The following HCN2 variants were observed in gnomAD, a reference collection of about 807,000 sequenced individuals.
HCN2 encodes hyperpolarization activated cyclic nucleotide gated potassium and sodium channel 2.
In HCN2, 20 loss-of-function variants were observed where a neutral mutation model predicts 52.3. That is an observed-to-expected ratio of 0.38 (90% CI 0.27 to 0.56). HCN2 has a LOEUF of 0.56. Ranked by LOEUF, HCN2 falls within the 20% of genes least tolerant of loss-of-function variation. The pLI, the probability that HCN2 is intolerant of heterozygous loss-of-function variation, is 0.71. For missense variants in HCN2, 981 were observed against 1,207.7 expected (o/e 0.81, Z 2.78); for synonymous variants, 694 against 537.0 (o/e 1.29, Z -4.04).
rs929900475 is a variant in HCN2, at chr19:592,684, C to T, written c.632+2107C>T. ...TTTCGATGTTGCCAAGCTGGGTGCA[C>T]GGGGCCCCTAGGACCCTCCCCAGGC... On this transcript the variant is annotated intron_variant, in intron 1 of 7. Coordinates refer to ENST00000251287, the MANE Select transcript of HCN2 (RefSeq NM_001194.4). This position sits in a 1 kb window ranked among gnomAD's most constrained non-coding sequence, Gnocchi z 4.8. Among the ~76,000 whole-genome samples, 6 of 152,092 alleles carry T rather than the reference C, an allele frequency of 3.9e-5. No individual in the cohort carries two copies. The highest frequency in any genetic ancestry group is 2.0e-4 in the Admixed American group (3 of 15,270).
At chr19:602,935 G>C (rs1983255495) in intron 1 of HCN2, among the ~76,000 whole-genome samples, 1 of 84,172 alleles carries the variant, frequency 1.2e-5, no homozygotes. Flanking sequence ...CCCAGGGCTT[G>C]TCCTGCAGGC....
In HCN2 at chr19:610,247, T is replaced by G. The variant is rs915282869; in HGVS notation, c.1438-12T>G. The G allele has an allele frequency of 1.2e-6, 2 of 1,609,828 alleles. No homozygotes were observed. Among genetic ancestry groups the G allele is most frequent in the Admixed American group, 3.3e-5 (2 of 59,858 alleles). On this transcript the variant is annotated splice_polypyrimidine_tract_variant and intron_variant, in intron 4 of 7. Transcript: ENST00000251287. ...GGGCGGTGTCTGACCCAGCCTCGCC[T>G]CCTCCCCACAGTACAAGCAGGTGGA... is the stretch of plus-strand genomic sequence containing the variant.
intron 7 of HCN2, 109 bp downstream of exon 7, chr19:614,125 G>A: frequency 2.5e-6 from 2 of 798,314 alleles, no homozygotes; most frequent in South Asian, 2.2e-5. Flanking sequence ...GCGTGGCTGT[G>A]GCATCAGGGG....
chr19:604,824 TGGG>T (rs1171508065), intron 2 of HCN2, among the ~76,000 whole-genome samples: 1 of 35,290 alleles, frequency 2.8e-5, no homozygotes, highest in Non-Finnish European at 4.9e-5. Flanking sequence ...GCTGTGGATT[TGGG>T]GGGGTCCTGC....
intron 5 of HCN2, among the ~76,000 whole-genome samples, chr19:611,543 C>T (rs912774334): frequency 6.6e-6 from 1 of 152,200 alleles, no homozygotes; most frequent in Non-Finnish European, 1.5e-5. Context: ...CGTGTACACC[C>T]GTTGCTCCCA....
intron 1 of HCN2, among the ~76,000 whole-genome samples, chr19:598,663 G>A (rs977728421): frequency 4.6e-5 from 7 of 152,104 alleles, no homozygotes; most frequent in African/African-American, 1.2e-4. Context: ...GTGCGATGGC[G>A]CGATCTCGGC....
At position 616,063 on chromosome 19, in the gene HCN2, C is replaced by T; in HGVS notation, c.2259C>T (p.Gly753=). 8.7e-7 allele frequency: 1 copy of T among 1,142,986 alleles called. No homozygotes were observed. The highest frequency in any genetic ancestry group is 4.2e-5 in the South Asian group (1 of 23,700). 70.8% of individuals were successfully genotyped at this position (1,142,986 alleles called of 1,614,324 possible). A position where few individuals can be genotyped will look rare whatever the true frequency, so the allele number is the denominator to read the frequency against. The change falls in exon 8 of 8, where the codon GGC becomes GGT. Residue 753 remains glycine (G), a synonymous_variant. Coordinates refer to ENST00000251287, the MANE Select transcript of HCN2 (RefSeq NM_001194.4). The part of the protein sequence containing the change: ...ARPLVGPLAL[G]SPRLVRRPPP... ...CGCTCGTGGGGCCGCTGGCGCTCGG[C>T]TCGCCGCGCCTCGTGCGCCGCCCGC...
chr19:612,393 G>GGTGGGTGTGTGTGTGTGTGTGTGTGT (rs1215986490), intron 5 of HCN2, among the ~76,000 whole-genome samples: 4 of 141,770 alleles, frequency 2.8e-5, no homozygotes, highest in Admixed American at 7.1e-5. Context: ...GCTTTCCACT[G>GGTGGGTGTGTGTGTGTGTGTGTGTGT]GTGTGTGTGT....
chr19:613,126 G>A, intron 5 of HCN2, 122 bp from the exon 6 acceptor site: 1 of 1,338,770 alleles, frequency 7.5e-7, no homozygotes, highest in African/African-American at 1.5e-5. Flanking sequence ...CCGGCTACGG[G>A]GCTGAGCCCG....
At chr19:602,414 T>C (rs947977237) in intron 1 of HCN2, among the ~76,000 whole-genome samples, 76 of 144,216 alleles carry the variant, frequency 5.3e-4, no homozygotes, top group African/African-American at 1.9e-3. Flanking sequence ...GACGCCCCAC[T>C]TCCTCCTCTC....
Position 590,372 on chromosome 19 carries a change from G to T in HCN2, c.427G>T (p.Glu143Ter). Residue 143 changes from glutamate (E) to a stop codon, truncating the protein, a stop_gained, in exon 1 of 8, where the codon GAG (glutamate) becomes TAG (stop). Coordinates refer to ENST00000251287, the MANE Select transcript of HCN2 (RefSeq NM_001194.4). LOFTEE classifies it high-confidence loss of function. The surrounding 1 kb of genome is among the most constrained non-coding windows in gnomAD (Gnocchi z 7.2). ...GPAPGPGPAE[E>*]AGSEEAGPAG... is the part of the protein sequence containing the mutation. ...CGCGCCGGGGCCGGGGCCGGCGGAGGAGGCGGGCAGCGAGGAGGCGGGCCC... is the reference window on the plus strand; with the variant it reads ...CGCGCCGGGGCCGGGGCCGGCGGAGTAGGCGGGCAGCGAGGAGGCGGGCCC... 8.5e-7 allele frequency: 1 copy of T among 1,173,354 alleles called. No homozygotes were observed. 72.7% of individuals were successfully genotyped at this position (1,173,354 alleles called of 1,614,324 possible).
Position 590,004 on chromosome 19 carries a change from C to CA in HCN2, c.59_60insA (p.Pro22AlafsTer47). The CA allele has an allele frequency of 1.5e-6, 1 of 652,262 alleles. No homozygotes were observed. The highest frequency in any genetic ancestry group is 1.9e-6 in the Non-Finnish European group (1 of 540,536). 40.4% of individuals were successfully genotyped at this position (652,262 alleles called of 1,614,324 possible). On this transcript the variant is annotated frameshift_variant, in exon 1 of 8. Coordinates refer to ENST00000251287, the MANE Select transcript of HCN2 (RefSeq NM_001194.4). LOFTEE classifies it high-confidence loss of function. The surrounding 1 kb of genome is among the most constrained non-coding windows in gnomAD (Gnocchi z 7.2). ...GAGAGCCCGGGCGCGACCCCCGCGC[C>CA]GGGGCCGCCGCCGCCGCCGCCGCCC... is the stretch of plus-strand genomic sequence containing the variant.
chr19:601,575 C>T (rs932109093), intron 1 of HCN2, among the ~76,000 whole-genome samples: 29 of 150,700 alleles, frequency 1.9e-4, no homozygotes, highest in African/African-American at 4.2e-4. Context: ...GGGTGGTTGT[C>T]GTCCGCAATC....
intron 1 of HCN2, among the ~76,000 whole-genome samples, chr19:600,216 C>T (rs573965390): frequency 1.3e-5 from 2 of 152,192 alleles, no homozygotes; most frequent in Non-Finnish European, 2.9e-5. Flanking sequence ...TCTGTTGCCC[C>T]GGCTGGAATG....
chr19:607,026 G>C (rs1983448602), intron 3 of HCN2, among the ~76,000 whole-genome samples: 1 of 151,600 alleles, frequency 6.6e-6, no homozygotes, highest in Admixed American at 6.6e-5. Context: ...TACAAAACTA[G>C]CTTGGCGTGG....
chr19:604,170 A>G (rs12980894), intron 2 of HCN2, among the ~76,000 whole-genome samples: 1,422 of 15,686 alleles, frequency 0.091, 86 homozygotes, highest in Admixed American at 0.12. Context: ...GGCCCCAGGG[A>G]TGGGGCTATG....
At chr19:602,937 C>A (rs1983255592) in intron 1 of HCN2, among the ~76,000 whole-genome samples, 1 of 76,200 alleles carries the variant, frequency 1.3e-5, no homozygotes, top group Non-Finnish European at 2.8e-5. Context: ...CAGGGCTTGT[C>A]CTGCAGGCGC....
Position 603,887 on chromosome 19 carries a change from G to A in HCN2, c.976G>A (p.Val326Met). 1.2e-6 allele frequency: 2 copies of A among 1,612,224 alleles called. No individual in the cohort carries two copies. The highest frequency in any genetic ancestry group is 1.7e-6 in the Non-Finnish European group (2 of 1,179,754). The change falls in exon 2 of 8, where the codon GTG becomes ATG. Residue 326 changes from valine (V) to methionine (M), a missense_variant. This residue lies in a region of HCN2 where 282 missense variants were observed against 553.8 expected (regional missense o/e 0.51). Transcript: ENST00000251287. ...VYKTARALRI[V>M]RFTKILSLLR... Reference sequence around the variant, plus strand: ...CAAGACGGCACGCGCCCTGCGCATCGTGCGCTTCACCAAGATCCTCAGCCT... The same window carrying A: ...CAAGACGGCACGCGCCCTGCGCATCATGCGCTTCACCAAGATCCTCAGCCT...
intron 4 of HCN2, 122 bp from the exon 5 acceptor site, chr19:610,137 G>A (rs146730972): frequency 2.5e-6 from 3 of 1,207,600 alleles, no homozygotes; most frequent in Non-Finnish European, 3.5e-6. Flanking sequence ...GTGCCCGTGT[G>A]CCCGCTGCAG....
Sources: gnomAD v4.1 joint callset for allele counts (sites outside exome capture counted in the v4.1 genomes callset) on GRCh38, gnomAD v4.1.1 for gene constraint, gnomAD v4.1.1 regional missense constraint, Gnocchi (gnomAD v3.1) non-coding constraint, MANE v1.5 for transcripts, NCBI Gene and HGNC (gene_info 2026-07-23, HGNC 2026-07-21) for gene names.